The following ZMYM4 variants were observed in gnomAD, a reference collection of about 807,000 sequenced individuals.
ZMYM4 encodes zinc finger MYM-type containing 4, also known as zinc finger MYM-type protein 4.
ZMYM4 carries 31 observed loss-of-function variants against 183.2 expected under a neutral mutation model. That is an observed-to-expected ratio of 0.17 (90% CI 0.13 to 0.23). The LOEUF is 0.23. ZMYM4 is among the 10% of genes least tolerant of loss of function. The probability of loss-of-function intolerance (pLI) is 1.00; values close to 1 mark genes in which losing one functional copy is unlikely to be tolerated. For missense variants in ZMYM4, 1,273 were observed against 1,840.3 expected, an observed-to-expected ratio of 0.69 and a Z score of 5.64; for synonymous variants, 592 against 631.2, an observed-to-expected ratio of 0.94 and a Z score of 0.93.
chr1:35,269,115 C>A, intron 1 of ZMYM4, 30 bp downstream of exon 1: 1 of 1,542,086 alleles, frequency 6.5e-7, no homozygotes, highest in East Asian at 2.5e-5. Context: ...ACTCGGGCGG[C>A]GGGGGGCGGG....
intron 2 of ZMYM4, among the ~76,000 whole-genome samples, chr1:35,328,849 T>C (rs1188651806): frequency 6.6e-6 from 1 of 152,124 alleles, no homozygotes; most frequent in African/African-American, 2.4e-5. Flanking sequence ...ATGATCATCC[T>C]AGCCCTCCCA....
At position 35,325,404 on chromosome 1, in the gene ZMYM4, C is replaced by T. The variant is rs765258251; in HGVS notation, c.84C>T (p.Asn28=). The T allele has an allele frequency of 1.2e-6, 2 of 1,600,202 alleles. No homozygotes were observed. Among genetic ancestry groups the T allele is most frequent in the South Asian group, 1.1e-5 (1 of 88,046 alleles). ...SGAVFDEIVE[N]CGGIMDTEMS... ...CAGTTTTTGATGAAATTGTAGAGAA[C>T]TGTAAGTACCATTTGAGAAAAAACA... The change falls in exon 2 of 30, where the codon AAC becomes AAT. Residue 28 remains asparagine, a splice_region_variant and synonymous_variant. Transcript: ENST00000314607.
At chr1:35,373,939 A>G (rs954142788) in intron 7 of ZMYM4, among the ~76,000 whole-genome samples, 1 of 151,872 alleles carries the variant, frequency 6.6e-6, no homozygotes, top group Non-Finnish European at 1.5e-5. Context: ...CTTGAATTGT[A>G]AAATGTACTT....
chr1:35,387,459 A>T lies in ZMYM4; in HGVS notation c.2118A>T (p.Lys706Asn). The change falls in exon 13 of 30, where the codon AAA (lysine) becomes AAT (asparagine). Residue 706 changes from lysine to asparagine, a missense_variant. Lys to Asn is a moderately conservative substitution (Grantham distance 94). This residue lies in a region of ZMYM4 where 319 missense variants were observed against 518.1 expected (regional missense o/e 0.62). Transcript: ENST00000314607. Reference protein sequence around the residue: ...TKPELLDYKGKMFQFCGKNCS... With the variant: ...TKPELLDYKGNMFQFCGKNCS... Reference sequence around the variant, plus strand: ...TAATGATTATTTCTTTGCAGGGCAAAATGTTTCAGTTCTGTGGCAAGAATT... The same window carrying T: ...TAATGATTATTTCTTTGCAGGGCAATATGTTTCAGTTCTGTGGCAAGAATT... 1 of 1,604,656 alleles carries T rather than the reference A, an allele frequency of 6.2e-7. No individual in the cohort carries two copies. Among genetic ancestry groups the T allele is most frequent in the Non-Finnish European group, 8.5e-7 (1 of 1,176,946 alleles).
intron 2 of ZMYM4, among the ~76,000 whole-genome samples, chr1:35,333,433 T>C (rs1277145042): frequency 6.6e-6 from 1 of 152,072 alleles, no homozygotes; most frequent in Non-Finnish European, 1.5e-5. Context: ...TTTTTTGTAT[T>C]TTTAATAGAG....
chr1:35,366,490 A>C (rs1644083492), intron 5 of ZMYM4, among the ~76,000 whole-genome samples: 1 of 152,216 alleles, frequency 6.6e-6, no homozygotes, highest in African/African-American at 2.4e-5. Flanking sequence ...ATCACTTGCT[A>C]TTAAGAATAT....
chr1:35,308,787 G>C (rs186621283), intron 1 of ZMYM4, among the ~76,000 whole-genome samples: 2,144 of 152,260 alleles, frequency 0.014, 21 homozygotes, highest in Non-Finnish European at 0.021. Context: ...CTTGAACGTG[G>C]GGGGTGGAGG....
At chr1:35,403,030 A>G (rs1644938865) in intron 23 of ZMYM4, among the ~76,000 whole-genome samples, 1 of 152,210 alleles carries the variant, frequency 6.6e-6, no homozygotes, top group Non-Finnish European at 1.5e-5. Context: ...ATCAGGTTGA[A>G]GAAGTTCCCC....
rs755663477 is a variant in ZMYM4, at chr1:35,381,358, G to GA, written c.1290dup (p.Pro431ThrfsTer9). 158 of 1,596,870 alleles carry GA rather than the reference G, an allele frequency of 9.9e-5. No individual in the cohort carries two copies. The highest frequency in any genetic ancestry group is 2.2e-4 in the Admixed American group (13 of 58,498). Reference sequence around the variant, plus strand: ...AGTCATGTTTGTCAACATATGAACTGAAAAAAAAACCTATTGTTACCATAA... The same window carrying GA: ...AGTCATGTTTGTCAACATATGAACTGAAAAAAAAAACCTATTGTTACCATAA... On this transcript the variant is annotated frameshift_variant, in exon 8 of 30. Coordinates refer to ENST00000314607, the MANE Select transcript of ZMYM4 (RefSeq NM_005095.3). LOFTEE classifies it high-confidence loss of function.
chr1:35,364,619 G>A (rs577793618), intron 5 of ZMYM4, among the ~76,000 whole-genome samples: 1 of 152,200 alleles, frequency 6.6e-6, no homozygotes, highest in East Asian at 1.9e-4. Flanking sequence ...AGTACTATTA[G>A]CCTCTCATAA....
chr1:35,403,646 TG>T, intron 23 of ZMYM4, among the ~76,000 whole-genome samples: 1 of 152,364 alleles, frequency 6.6e-6, no homozygotes. Context: ...TGACTGGTTT[TG>T]GTATCAGGGT....
Position 35,405,173 on chromosome 1 carries a change from C to A in ZMYM4, c.3679C>A (p.Gln1227Lys). 1 of 1,613,886 alleles carries A rather than the reference C, an allele frequency of 6.2e-7. No homozygotes were observed. Among genetic ancestry groups the A allele is most frequent in the Non-Finnish European group, 8.5e-7 (1 of 1,179,926 alleles). ...WVQWKNAKEEQGDLKCGGVEQ... is the reference protein window; with the variant it reads ...WVQWKNAKEEKGDLKCGGVEQ... Reference sequence around the variant, plus strand: ...TCAGTGGAAAAATGCCAAGGAAGAGCAGGGGGATCTAAAATGTGGAGGTAA... The same window carrying A: ...TCAGTGGAAAAATGCCAAGGAAGAGAAGGGGGATCTAAAATGTGGAGGTAA... Residue 1227 changes from glutamine (Q) to lysine (K), a missense_variant, in exon 24 of 30, where the codon CAG (glutamine) becomes AAG (lysine). Physicochemically the swap from Gln to Lys is moderately conservative, Grantham distance 53. This residue lies in a region of ZMYM4 where 133 missense variants were observed against 155.7 expected (regional missense o/e 0.85). Transcript: ENST00000314607.
At chr1:35,390,156 C>T (rs1644673273) in intron 15 of ZMYM4, 58 bp downstream of exon 15, 2 of 1,541,660 alleles carry the variant, frequency 1.3e-6, no homozygotes, top group South Asian at 1.2e-5. Context: ...AACTACTGTT[C>T]TTTTACAGAT....
intron 2 of ZMYM4, chr1:35,351,203 C>G: frequency 7.1e-7 from 1 of 1,406,372 alleles, no homozygotes; most frequent in Non-Finnish European, 1.0e-6. Flanking sequence ...TTTTGGGTAC[C>G]CTGAAGGGCG....
intron 2 of ZMYM4, among the ~76,000 whole-genome samples, chr1:35,342,250 G>A (rs1290099406): frequency 1.3e-5 from 2 of 152,060 alleles, no homozygotes; most frequent in Non-Finnish European, 2.9e-5. Context: ...CACCTCTCAT[G>A]CTTAAGTGAG....
intron 7 of ZMYM4, among the ~76,000 whole-genome samples, chr1:35,375,049 TTCACTTAGTCTTTTAC>T (rs1644305029): frequency 6.6e-6 from 1 of 152,216 alleles, no homozygotes; most frequent in Non-Finnish European, 1.5e-5. Flanking sequence ...TACCTTTTTA[TTCACTTAGTCTTTTAC>T]CCTTTTTTTA....
intron 5 of ZMYM4, among the ~76,000 whole-genome samples, chr1:35,362,087 T>C (rs1259582785): frequency 1.3e-5 from 2 of 152,188 alleles, no homozygotes; most frequent in African/African-American, 4.8e-5. Flanking sequence ...AGATTTATGG[T>C]AGTTTATAAG....
intron 1 of ZMYM4, among the ~76,000 whole-genome samples, chr1:35,324,737 C>T (rs1309592936): frequency 1.3e-5 from 2 of 152,158 alleles, no homozygotes; most frequent in Admixed American, 1.3e-4. Flanking sequence ...CAGGAACCTC[C>T]AAAGTAAGGA....
intron 5 of ZMYM4, among the ~76,000 whole-genome samples, chr1:35,367,949 G>A (rs2148929055): frequency 6.6e-6 from 1 of 152,104 alleles, no homozygotes; most frequent in South Asian, 2.1e-4. Flanking sequence ...CTGGGTGACA[G>A]AGTGAAACTC....
Sources: gnomAD v4.1 joint callset for allele counts (sites outside exome capture counted in the v4.1 genomes callset) on GRCh38, gnomAD v4.1.1 for gene constraint, gnomAD v4.1.1 regional missense constraint, MANE v1.5 for transcripts, NCBI Gene and HGNC (gene_info 2026-07-23, HGNC 2026-07-21) for gene names.